HAAO: variants seen among roughly 807,000 people sequenced by gnomAD.
HAAO encodes 3-hydroxyanthranilate 3,4-dioxygenase.
In HAAO, 49 loss-of-function variants were observed where a neutral mutation model predicts 46.2. That is an observed-to-expected ratio of 1.06 (90% CI 0.84 to 1.34). The LOEUF is 1.34. Among genes scored for constraint, HAAO ranks in the 40% most tolerant of loss-of-function variants. The probability of loss-of-function intolerance (pLI) is 0.00; values close to 1 mark genes in which losing one functional copy is unlikely to be tolerated. For missense variants in HAAO, 408 were observed against 364.5 expected (o/e 1.12, Z -0.97); for synonymous variants, 157 against 145.2 (o/e 1.08, Z -0.58).
At chr2:42,792,411 G>T in intron 1 of HAAO, 46 bp downstream of exon 1, 1 of 1,093,226 alleles carries the variant, frequency 9.1e-7, no homozygotes, top group Non-Finnish European at 1.3e-6. Flanking sequence ...ATGGAGGAGG[G>T]GGAGGAGGCG....
intron 4 of HAAO, among the ~76,000 whole-genome samples, chr2:42,780,333 G>A (rs1029283761): frequency 6.6e-6 from 1 of 151,692 alleles, no homozygotes; most frequent in East Asian, 1.9e-4. Context: ...TCAGCCTCCT[G>A]AGTAGCTCAG....
intron 4 of HAAO, among the ~76,000 whole-genome samples, chr2:42,779,233 T>C (rs1453021927): frequency 6.6e-6 from 1 of 152,210 alleles, no homozygotes; most frequent in Non-Finnish European, 1.5e-5. Context: ...ATTGAAGCAT[T>C]AACTGACTCC....
At chr2:42,780,267 G>A (rs1221010918) in intron 4 of HAAO, among the ~76,000 whole-genome samples, 1 of 149,784 alleles carries the variant, frequency 6.7e-6, no homozygotes, top group Non-Finnish European at 1.5e-5. Flanking sequence ...GAGTGCAGCG[G>A]TGCAATCTCG....
intron 2 of HAAO, 131 bp from the exon 3 acceptor site, chr2:42,783,998 C>A: frequency 1.3e-6 from 2 of 1,487,092 alleles, no homozygotes; most frequent in South Asian, 1.3e-5. Context: ...TGGGCAGCTC[C>A]GTCACTTCTG....
chr2:42,771,607 C>G (rs1439622659), intron 4 of HAAO, among the ~76,000 whole-genome samples: 5 of 152,230 alleles, frequency 3.3e-5, no homozygotes, highest in Non-Finnish European at 5.9e-5. Context: ...CAGTAGACCC[C>G]TAAAGCCCAC....
chr2:42,784,021 T>A (rs1573945617), intron 2 of HAAO, 154 bp from the exon 3 acceptor site: 3 of 905,314 alleles, frequency 3.3e-6, no homozygotes, highest in Non-Finnish European at 4.0e-6. Flanking sequence ...CTGAGGCCTG[T>A]CTCCCCGGTG....
chr2:42,771,927 C>T (rs912953736), intron 4 of HAAO, among the ~76,000 whole-genome samples: 2 of 152,226 alleles, frequency 1.3e-5, no homozygotes, highest in East Asian at 1.9e-4. Context: ...CAGTGCCCTC[C>T]GGGAACTGCC....
At position 42,769,814 on chromosome 2, in the gene HAAO, T is replaced by A. The variant is rs1449409636; in HGVS notation, c.529A>T (p.Ile177Phe). 1 of 1,613,774 alleles carries A rather than the reference T, an allele frequency of 6.2e-7. No homozygotes were observed. The highest frequency in any genetic ancestry group is 8.5e-7 in the Non-Finnish European group (1 of 1,179,956). ...EPPFPLSTRSIMEPMSLDAWL... is the reference protein window; with the variant it reads ...EPPFPLSTRSFMEPMSLDAWL... ...GCATCCAGGGACATGGGCTCCATGA[T>A]GGATCGTGTGCTCAGAGGGAATGGT... is the stretch of plus-strand genomic sequence containing the variant. Residue 177 changes from isoleucine (I) to phenylalanine (F), a missense_variant, in exon 7 of 10, where the codon ATC (isoleucine) becomes TTC (phenylalanine). Ile to Phe is a conservative substitution (Grantham distance 21). Coordinates refer to ENST00000294973, the MANE Select transcript of HAAO (RefSeq NM_012205.3).
In HAAO at chr2:42,767,594, C is replaced by T. The variant is rs756056922; in HGVS notation, c.782+1G>A. 1.1e-5 allele frequency: 18 copies of T among 1,577,270 alleles called. No individual in the cohort carries two copies. The highest frequency in any genetic ancestry group is 3.7e-5 in the Admixed American group (2 of 53,962). ...AGGGAAAGCCCTCCCTGCGTACTCACGAGGTCCCAGCTAGCACCAGGAGGC... is the reference window on the plus strand; with the variant it reads ...AGGGAAAGCCCTCCCTGCGTACTCATGAGGTCCCAGCTAGCACCAGGAGGC... On this transcript the variant is annotated splice_donor_variant, in intron 9 of 9. Coordinates refer to ENST00000294973, the MANE Select transcript of HAAO (RefSeq NM_012205.3). LOFTEE classifies it high-confidence loss of function.
chr2:42,768,390 G>A lies in HAAO; in HGVS notation c.631-462C>T, dbSNP rs549825323. Reference sequence around the variant, plus strand: ...CACAGCTACTGTGCAGGGCCGTGCTGCTGATGCCCTGGAGAGGGTGCATAT... The same window carrying A: ...CACAGCTACTGTGCAGGGCCGTGCTACTGATGCCCTGGAGAGGGTGCATAT... On this transcript the variant is annotated intron_variant, in intron 7 of 9. Coordinates refer to ENST00000294973, the MANE Select transcript of HAAO (RefSeq NM_012205.3). Among the ~76,000 whole-genome samples the A allele has an allele frequency of 1.2e-4, 18 of 152,316 alleles. No homozygotes were observed. The South Asian group carries it at 1.4e-3, about 12-fold the overall frequency.
chr2:42,787,180 A>G (rs1672452740), intron 2 of HAAO, among the ~76,000 whole-genome samples: 1 of 152,136 alleles, frequency 6.6e-6, no homozygotes, highest in Admixed American at 6.5e-5. Flanking sequence ...CTGCCATCTG[A>G]GTCAGGACGT....
At chr2:42,788,905 G>T in intron 1 of HAAO, 1 of 383,892 alleles carries the variant, frequency 2.6e-6, no homozygotes. Flanking sequence ...CATCAACCAG[G>T]ATCACAGGAT....
chr2:42,769,375 C>T (rs887663367), intron 7 of HAAO, among the ~76,000 whole-genome samples: 2 of 152,200 alleles, frequency 1.3e-5, no homozygotes. Context: ...TTCAGGAATT[C>T]CTAGCGAGGG....
intron 1 of HAAO, among the ~76,000 whole-genome samples, chr2:42,789,800 C>T (rs546254194): frequency 3.9e-5 from 6 of 152,094 alleles, no homozygotes; most frequent in South Asian, 2.1e-4. Context: ...CCTTTTTATG[C>T]AAAAAATACC....
intron 2 of HAAO, 24 bp downstream of exon 2, chr2:42,788,505 T>A: frequency 6.7e-7 from 1 of 1,501,010 alleles, no homozygotes; most frequent in Non-Finnish European, 9.3e-7. Flanking sequence ...CAGGCCTAGA[T>A]CCAGGGAGAC....
At chr2:42,781,760 A>G (rs937755411) in intron 4 of HAAO, among the ~76,000 whole-genome samples, 6 of 152,108 alleles carry the variant, frequency 3.9e-5, no homozygotes, top group Admixed American at 3.9e-4. Context: ...TGTAATCCCA[A>G]CTACTCAAGA....
intron 4 of HAAO, among the ~76,000 whole-genome samples, chr2:42,781,415 C>G (rs1671989230): frequency 6.6e-6 from 1 of 152,108 alleles, no homozygotes; most frequent in South Asian, 2.1e-4. Flanking sequence ...CTGACACGCC[C>G]AAAGGCCTCA....
chr2:42,770,119 A>G (rs1483146673), intron 6 of HAAO, 24 bp downstream of exon 6: 2 of 1,598,946 alleles, frequency 1.3e-6, no homozygotes, highest in Non-Finnish European at 1.7e-6. Flanking sequence ...AGGGAAGGAG[A>G]AGGGCAGTTC....
chr2:42,778,099 GT>G (rs1201885554), intron 4 of HAAO, among the ~76,000 whole-genome samples: 1 of 151,082 alleles, frequency 6.6e-6, no homozygotes, highest in African/African-American at 2.4e-5. Context: ...TGAATGGTCT[GT>G]GTAAGTCACA....
Sources: gnomAD v4.1 joint callset for allele counts (sites outside exome capture counted in the v4.1 genomes callset) on GRCh38, gnomAD v4.1.1 for gene constraint, MANE v1.5 for transcripts, NCBI Gene and HGNC (gene_info 2026-07-23, HGNC 2026-07-21) for gene names.